ALKBH8: variants seen among roughly 807,000 people sequenced by gnomAD.
ALKBH8 encodes the protein alkB homolog 8, tRNA methyltransferase.
ALKBH8 carries 36 observed loss-of-function variants against 59.8 expected under a neutral mutation model. That is an observed-to-expected ratio of 0.60 (90% confidence interval 0.46 to 0.79). ALKBH8 has a LOEUF of 0.79. Among genes scored for constraint, ALKBH8 ranks in the 30% least tolerant of loss-of-function variants. The probability of loss-of-function intolerance (pLI) is 0.00; values close to 1 mark genes in which losing one functional copy is unlikely to be tolerated. For missense variants in ALKBH8, 768 were observed against 801.0 expected, an observed-to-expected ratio of 0.96 and a Z score of 0.50; for synonymous variants, 276 against 273.6, an observed-to-expected ratio of 1.01 and a Z score of -0.09.
intron 7 of ALKBH8, among the ~76,000 whole-genome samples, chr11:107,547,200 T>C (rs1487942491): frequency 1.3e-5 from 2 of 152,202 alleles, no homozygotes; most frequent in South Asian, 2.1e-4. Context: ...CGACTGAGGA[T>C]GTCAAAGATA....
chr11:107,523,456 C>A (rs1863213904), intron 9 of ALKBH8, among the ~76,000 whole-genome samples: 2 of 151,758 alleles, frequency 1.3e-5, no homozygotes, highest in Admixed American at 1.3e-4. Context: ...GGGGCTGGAG[C>A]AGTTGGGGTG....
In ALKBH8 at chr11:107,503,359, C is replaced by CT. The variant is rs1277258694; in HGVS notation, c.*1298dup. ...ACTATAGGTTTCTGAAAACTTGATG[C>CT]TTCAAGATTAAGTATCACTAGCATT... On this transcript the variant is annotated 3_prime_UTR_variant, in exon 12 of 12. Transcript: ENST00000428149. 1.3e-5 allele frequency: 2 copies of CT among 152,074 alleles called. No individual in the cohort carries two copies. Among genetic ancestry groups the CT allele is most frequent in the African/African-American group, 4.8e-5 (2 of 41,408 alleles). 9.4% of individuals were successfully genotyped at this position (152,074 alleles called of 1,614,324 possible).
intron 8 of ALKBH8, among the ~76,000 whole-genome samples, chr11:107,531,799 T>G (rs1863605538): frequency 6.6e-6 from 1 of 152,216 alleles, no homozygotes; most frequent in Admixed American, 6.5e-5. Flanking sequence ...ATTGTTTTTT[T>G]GTCTTACAAC....
At chr11:107,541,118 G>T (rs943542877) in intron 7 of ALKBH8, among the ~76,000 whole-genome samples, 1 of 152,114 alleles carries the variant, frequency 6.6e-6, no homozygotes, top group African/African-American at 2.4e-5. Flanking sequence ...CTCCCCATGA[G>T]GAAAAGTTCA....
At chr11:107,551,733 T>C (rs934437228) in intron 6 of ALKBH8, 75 bp downstream of exon 6, 2 of 522,558 alleles carry the variant, frequency 3.8e-6, no homozygotes, top group African/African-American at 4.1e-5. Flanking sequence ...TAATAATATA[T>C]CTGCCCTTAG....
chr11:107,560,177 T>A (rs1864880643), intron 2 of ALKBH8, among the ~76,000 whole-genome samples: 2 of 152,196 alleles, frequency 1.3e-5, no homozygotes, highest in Non-Finnish European at 1.5e-5. Flanking sequence ...TCCTAATTCA[T>A]AACCCAGGAA....
intron 10 of ALKBH8, among the ~76,000 whole-genome samples, chr11:107,519,194 C>G (rs543777159): frequency 1.3e-5 from 2 of 152,258 alleles, no homozygotes; most frequent in East Asian, 3.9e-4. Flanking sequence ...CAACCTCCGC[C>G]TCCCAGGCTC....
intron 6 of ALKBH8, among the ~76,000 whole-genome samples, 178 bp downstream of exon 6, chr11:107,551,630 G>A (rs1007455198): frequency 6.0e-5 from 9 of 149,940 alleles, no homozygotes; most frequent in Non-Finnish European, 1.3e-4. Context: ...GGAGGCAGAG[G>A]TTGCAGTGAA....
intron 10 of ALKBH8, among the ~76,000 whole-genome samples, chr11:107,520,232 G>A (rs1046786772): frequency 1.3e-5 from 2 of 152,164 alleles, no homozygotes; most frequent in African/African-American, 2.4e-5. Flanking sequence ...GCCAAGTACC[G>A]TATGCCTGGA....
At chr11:107,522,964 C>T (rs1030188623) in intron 9 of ALKBH8, among the ~76,000 whole-genome samples, 1 of 152,018 alleles carries the variant, frequency 6.6e-6, no homozygotes, top group Admixed American at 6.6e-5. Flanking sequence ...TTCGGGCCCC[C>T]TCTCACACAG....
chr11:107,563,335 G>T (rs1412255122), intron 1 of ALKBH8, among the ~76,000 whole-genome samples: 1 of 152,120 alleles, frequency 6.6e-6, no homozygotes, highest in African/African-American at 2.4e-5. Flanking sequence ...GCCTCATTCA[G>T]TGCTATGAGG....
chr11:107,520,850 T>A (rs1463135782), intron 10 of ALKBH8, among the ~76,000 whole-genome samples: 2 of 152,056 alleles, frequency 1.3e-5, no homozygotes, highest in Non-Finnish European at 2.9e-5. Flanking sequence ...AATCTATGAG[T>A]TGCACATCCA....
In ALKBH8 at chr11:107,525,451, A is replaced by AG. The variant is rs1863310675; in HGVS notation, c.1019dup (p.Cys341LeufsTer2). On this transcript the variant is annotated frameshift_variant, in exon 9 of 12. Coordinates refer to ENST00000428149, the MANE Select transcript of ALKBH8 (RefSeq NM_138775.3). LOFTEE classifies it high-confidence loss of function. ...AGAGTATATACTTACTACAGTTACA[A>AG]GGTGTTTGCCTCACTTTCCTAAATG... 4 of 1,544,810 alleles carry AG rather than the reference A, an allele frequency of 2.6e-6. No individual in the cohort carries two copies. Among genetic ancestry groups the AG allele is most frequent in the Admixed American group, 4.0e-5 (2 of 49,632 alleles).
chr11:107,517,600 GC>G (rs1165404859), intron 10 of ALKBH8, among the ~76,000 whole-genome samples: 8 of 152,140 alleles, frequency 5.3e-5, no homozygotes. Context: ...AGAAAATCCT[GC>G]CATTCATAAC....
chr11:107,550,765 C>A (rs1864455510), intron 6 of ALKBH8, among the ~76,000 whole-genome samples: 1 of 152,158 alleles, frequency 6.6e-6, no homozygotes, highest in Admixed American at 6.6e-5. Context: ...AAGTGTGGGG[C>A]CCTAATCTTA....
chr11:107,532,950 T>C (rs11826178), intron 7 of ALKBH8, among the ~76,000 whole-genome samples: 4,198 of 152,208 alleles, frequency 0.028, 176 homozygotes, highest in African/African-American at 0.092. Context: ...CATAGAATAT[T>C]AATAATTAAT....
In ALKBH8 at chr11:107,505,097, C is replaced by G; in HGVS notation, c.1556G>C (p.Arg519Thr). 1 of 1,551,454 alleles carries G rather than the reference C, an allele frequency of 6.4e-7. No individual in the cohort carries two copies. The change falls in exon 12 of 12, where the codon AGA becomes ACA. Residue 519 changes from arginine (R) to threonine (T), a missense_variant. By Grantham distance (71) the Arg-to-Thr change is moderately conservative (BLOSUM62 -1). Transcript: ENST00000428149. ...EYNKQKSKYL[R>T]GNRNSQGKKE... ...CTTTCCTTGGCTATTTCTGTTTCCT[C>G]TAAGATACTTGGACTTCTGCTTATT...
At chr11:107,558,391 C>T (rs1295210611) in intron 2 of ALKBH8, among the ~76,000 whole-genome samples, 1 of 152,122 alleles carries the variant, frequency 6.6e-6, no homozygotes, top group Non-Finnish European at 1.5e-5. Context: ...AGATGGCTTG[C>T]CCTGGACCTC....
intron 10 of ALKBH8, among the ~76,000 whole-genome samples, chr11:107,521,049 A>T (rs1425270335): frequency 1.3e-5 from 2 of 152,222 alleles, no homozygotes; most frequent in Non-Finnish European, 2.9e-5. Context: ...GAGGATATGT[A>T]TAGGTTATAT....
Sources: allele counts gnomAD v4.1 joint callset (sites outside exome capture counted in the v4.1 genomes callset), GRCh38; gene constraint gnomAD v4.1.1; transcripts MANE v1.5; gene names NCBI Gene and HGNC (gene_info 2026-07-23, HGNC 2026-07-21).